The following GFRAL variants were observed in gnomAD, a reference collection of about 807,000 sequenced individuals.
GFRAL encodes the protein GDNF family receptor alpha like.
Under a neutral mutation model 45.4 loss-of-function variants are expected in GFRAL, and 36 were observed. That is an observed-to-expected ratio of 0.79 (90% CI 0.61 to 1.05). The LOEUF (loss-of-function observed/expected upper bound fraction) is 1.05. GFRAL is among the 50% of genes least tolerant of loss of function. The pLI, the probability that GFRAL is intolerant of heterozygous loss-of-function variation, is 0.00. For missense variants in GFRAL, 507 were observed against 467.5 expected, an observed-to-expected ratio of 1.08 and a Z score of -0.78; for synonymous variants, 166 against 154.1, an observed-to-expected ratio of 1.08 and a Z score of -0.57.
At position 55,399,176 on chromosome 6, in the gene GFRAL, T is replaced by C; in HGVS notation, c.953-4T>C. Reference sequence around the variant, plus strand: ...CTAATCTCATTTTTATGATTTTCTTTCAGATTATCCAACCCTGTCTAATGT... The same window carrying C: ...CTAATCTCATTTTTATGATTTTCTTCCAGATTATCCAACCCTGTCTAATGT... On this transcript the variant is annotated splice_region_variant and splice_polypyrimidine_tract_variant and intron_variant, in intron 6 of 8. Transcript: ENST00000340465. 1.3e-6 allele frequency: 2 copies of C among 1,489,260 alleles called. No individual in the cohort carries two copies. Among genetic ancestry groups the C allele is most frequent in the Non-Finnish European group, 1.8e-6 (2 of 1,094,370 alleles). The allele number at this position is 1,489,260 out of a possible 1,614,324, so 92.3% of individuals were successfully genotyped here.
chr6:55,381,770 T>C (rs1414276517), intron 6 of GFRAL, among the ~76,000 whole-genome samples: 1 of 151,888 alleles, frequency 6.6e-6, no homozygotes, highest in Non-Finnish European at 1.5e-5. Flanking sequence ...TTACAGACTA[T>C]AAATAAAACA....
chr6:55,361,582 A>C (rs1313771590), intron 6 of GFRAL, among the ~76,000 whole-genome samples: 2 of 151,960 alleles, frequency 1.3e-5, no homozygotes, highest in African/African-American at 4.8e-5. Flanking sequence ...GGGGTGCAGA[A>C]CTCACAGGTA....
At chr6:55,330,009 T>C (rs1767809906) in intron 1 of GFRAL, among the ~76,000 whole-genome samples, 1 of 152,160 alleles carries the variant, frequency 6.6e-6, no homozygotes, top group Admixed American at 6.6e-5. Flanking sequence ...ACTGTCTCTG[T>C]AACACAATTT....
chr6:55,331,675 A>C, intron 1 of GFRAL, 40 bp from the exon 2 acceptor site: 1 of 1,572,472 alleles, frequency 6.4e-7, no homozygotes, highest in Non-Finnish European at 8.6e-7. Context: ...ATGGATGCCA[A>C]ATTTATATTA....
intron 6 of GFRAL, among the ~76,000 whole-genome samples, chr6:55,365,765 C>G (rs1768353047): frequency 1.3e-5 from 2 of 150,314 alleles, no homozygotes; most frequent in Admixed American, 6.6e-5. Flanking sequence ...TATATTGAAC[C>G]AGCCTTGCAT....
At chr6:55,337,080 G>A (rs1767899918) in intron 3 of GFRAL, among the ~76,000 whole-genome samples, 1 of 151,846 alleles carries the variant, frequency 6.6e-6, no homozygotes, top group Non-Finnish European at 1.5e-5. Flanking sequence ...TCTCCCTACT[G>A]TACTATCAAG....
At chr6:55,329,968 T>C (rs1043335848) in intron 1 of GFRAL, among the ~76,000 whole-genome samples, 1 of 152,300 alleles carries the variant, frequency 6.6e-6, no homozygotes, top group East Asian at 1.9e-4. Flanking sequence ...TATTTAGTTA[T>C]AGCTTGACTC....
chr6:55,388,699 T>C (rs192812641), intron 6 of GFRAL, among the ~76,000 whole-genome samples: 1 of 152,312 alleles, frequency 6.6e-6, no homozygotes, highest in East Asian at 1.9e-4. Flanking sequence ...GGAAATATTA[T>C]TCCTTTTAAT....
In GFRAL at chr6:55,401,800, A is replaced by G; in HGVS notation, c.1132A>G (p.Ile378Val). The change falls in exon 9 of 9, where the codon ATA (isoleucine) becomes GTA (valine). Residue 378 changes from isoleucine (I) to valine (V), a missense_variant. By Grantham distance (29) the Ile-to-Val change is conservative. Coordinates refer to ENST00000340465, the MANE Select transcript of GFRAL (RefSeq NM_207410.2). ...TTTTATTTTATACAGAACTTCCAGAATATCAAGTAAAGCAAGAGATCCTTC... is the reference window on the plus strand; with the variant it reads ...TTTTATTTTATACAGAACTTCCAGAGTATCAAGTAAAGCAAGAGATCCTTC... Reference protein sequence around the residue: ...LVMVKLRTSRISSKARDPSSI... With the variant: ...LVMVKLRTSRVSSKARDPSSI... The G allele has an allele frequency of 2.0e-6, 3 of 1,522,514 alleles. No homozygotes were observed. Among genetic ancestry groups the G allele is most frequent in the Non-Finnish European group, 2.7e-6 (3 of 1,096,126 alleles). 94.3% of individuals were successfully genotyped at this position (1,522,514 alleles called of 1,614,324 possible). A position where few individuals can be genotyped will look rare whatever the true frequency, so the allele number is the denominator to read the frequency against.
At chr6:55,348,988 G>A (rs1768081374) in intron 3 of GFRAL, among the ~76,000 whole-genome samples, 1 of 152,052 alleles carries the variant, frequency 6.6e-6, no homozygotes, top group African/African-American at 2.4e-5. Context: ...CCTGGGATCT[G>A]TTTGTTGGGA....
At chr6:55,371,260 G>A (rs1581753053) in intron 6 of GFRAL, among the ~76,000 whole-genome samples, 4 of 152,136 alleles carry the variant, frequency 2.6e-5, no homozygotes, top group South Asian at 4.2e-4. Context: ...AACTCTTCAT[G>A]GTTGAACTAT....
Position 55,331,720 on chromosome 6 carries a change from G to C in GFRAL, c.28G>C (p.Gly10Arg), listed in dbSNP as rs1395484799. The C allele has an allele frequency of 1.2e-6, 2 of 1,606,932 alleles. No individual in the cohort carries two copies. The highest frequency in any genetic ancestry group is 3.4e-5 in the Admixed American group (2 of 58,960). The change falls in exon 2 of 9, where the codon GGG becomes CGG. Residue 10 changes from glycine (G) to arginine (R), a missense_variant. Coordinates refer to ENST00000340465, the MANE Select transcript of GFRAL (RefSeq NM_207410.2). ...TTTTGTTGTTGTTATTCAAGCTATG[G>C]GGTTAAGCTTGGAAAATGAATACAC... Reference protein sequence around the residue: MIVFIFLAMGLSLENEYTSQ... With the variant: MIVFIFLAMRLSLENEYTSQ...
At chr6:55,347,815 T>G (rs1349852217) in intron 3 of GFRAL, among the ~76,000 whole-genome samples, 1 of 152,144 alleles carries the variant, frequency 6.6e-6, no homozygotes, top group African/African-American at 2.4e-5. Flanking sequence ...TCTCAGTCTC[T>G]TTTGAGCATC....
intron 6 of GFRAL, among the ~76,000 whole-genome samples, chr6:55,391,509 G>A (rs1239979733): frequency 6.6e-6 from 1 of 152,132 alleles, no homozygotes; most frequent in African/African-American, 2.4e-5. Flanking sequence ...CTAGAGCTTT[G>A]GGAGGCCAAG....
chr6:55,350,056 T>C (rs368351964), intron 3 of GFRAL, 36 bp from the exon 4 acceptor site: 76 of 1,263,196 alleles, frequency 6.0e-5, no homozygotes, highest in Non-Finnish European at 8.8e-5. Flanking sequence ...CAGAAAATTG[T>C]TCAATAATGA....
chr6:55,343,891 C>T (rs999039225), intron 3 of GFRAL, among the ~76,000 whole-genome samples: 1 of 152,044 alleles, frequency 6.6e-6, no homozygotes, highest in Non-Finnish European at 1.5e-5. Context: ...TACAAGCTAC[C>T]ATCAGAGAAT....
At chr6:55,373,141 A>C (rs1190577289) in intron 6 of GFRAL, among the ~76,000 whole-genome samples, 1 of 152,062 alleles carries the variant, frequency 6.6e-6, no homozygotes, top group Non-Finnish European at 1.5e-5. Context: ...GAACAATAAC[A>C]CACAGTGAGA....
chr6:55,401,784 A>T lies in GFRAL; in HGVS notation c.1122-6A>T, dbSNP rs999802166. 3.4e-6 allele frequency: 5 copies of T among 1,452,274 alleles called. No individual in the cohort carries two copies. In the African/African-American group the frequency reaches 4.2e-5, roughly 12 times the overall value. The allele number at this position is 1,452,274 out of a possible 1,614,324, so 90.0% of individuals were successfully genotyped here. ...TGTTGTTAACTTTTACTTTTATTTT[A>T]TACAGAACTTCCAGAATATCAAGTA... On this transcript the variant is annotated splice_polypyrimidine_tract_variant and splice_region_variant and intron_variant, in intron 8 of 8. Transcript: ENST00000340465.
At chr6:55,394,268 G>C (rs1156239104) in intron 6 of GFRAL, among the ~76,000 whole-genome samples, 1 of 152,100 alleles carries the variant, frequency 6.6e-6, no homozygotes, top group East Asian at 1.9e-4. Flanking sequence ...AGCTTGAAAT[G>C]AATCTGTAGT....
Sources: allele counts gnomAD v4.1 joint callset (sites outside exome capture counted in the v4.1 genomes callset), GRCh38; gene constraint gnomAD v4.1.1; transcripts MANE v1.5; gene names NCBI Gene and HGNC (gene_info 2026-07-23, HGNC 2026-07-21).